The following B3GALT1 variants were observed in gnomAD, a reference collection of about 807,000 sequenced individuals.
The protein encoded by B3GALT1 is beta-1,3-galactosyltransferase 1.
In B3GALT1, 10 loss-of-function variants were observed where a neutral mutation model predicts 23.2. The ratio of observed to expected loss-of-function variants is 0.43; its 90% confidence interval spans 0.27 to 0.73. The LOEUF (loss-of-function observed/expected upper bound fraction) is 0.73. B3GALT1 is among the 30% of genes least tolerant of loss of function. The pLI is 0.21. For missense variants in B3GALT1, 299 were observed against 405.4 expected, an observed-to-expected ratio of 0.74 and a Z score of 2.25; for synonymous variants, 156 against 141.5, an observed-to-expected ratio of 1.10 and a Z score of -0.73.
At chr2:167,453,574 C>T (rs932797044) in intron 1 of B3GALT1, among the ~76,000 whole-genome samples, 2 of 145,830 alleles carry the variant, frequency 1.4e-5, no homozygotes, top group African/African-American at 5.5e-5. Flanking sequence ...AATAATACTA[C>T]ATTTTTCTGT....
intron 1 of B3GALT1, among the ~76,000 whole-genome samples, chr2:167,396,560 GTGTGTTTAAT>G (rs1370084153): frequency 6.7e-6 from 1 of 149,624 alleles, no homozygotes. Flanking sequence ...GTGTGTGTGT[GTGTGTTTAAT>G]TTTAAACATT....
At chr2:167,371,527 A>T (rs1697684700) in intron 1 of B3GALT1, among the ~76,000 whole-genome samples, 1 of 152,202 alleles carries the variant, frequency 6.6e-6, no homozygotes, top group Admixed American at 6.5e-5. Flanking sequence ...AGATTTTATT[A>T]AGATTATTGA....
intron 4 of B3GALT1, among the ~76,000 whole-genome samples, chr2:167,852,171 A>G (rs1689914909): frequency 1.3e-5 from 2 of 152,184 alleles, no homozygotes; most frequent in African/African-American, 2.4e-5. Context: ...CAGAGAACAC[A>G]GCACAGCAGC....
At chr2:167,731,540 G>T (rs761973712) in intron 3 of B3GALT1, among the ~76,000 whole-genome samples, 1 of 152,150 alleles carries the variant, frequency 6.6e-6, no homozygotes, top group Non-Finnish European at 1.5e-5. Flanking sequence ...AAATGAGTTT[G>T]CAACTGCAGC....
intron 2 of B3GALT1, among the ~76,000 whole-genome samples, chr2:167,599,303 A>G (rs941127467): frequency 5.9e-5 from 9 of 152,240 alleles, no homozygotes; most frequent in South Asian, 2.1e-4. Flanking sequence ...AGTCTGGAGT[A>G]TAAGTCATAA....
intron 3 of B3GALT1, among the ~76,000 whole-genome samples, chr2:167,691,852 A>G (rs185747095): frequency 4.6e-5 from 7 of 152,298 alleles, no homozygotes; most frequent in East Asian, 1.9e-4. Context: ...GGCAGGACCT[A>G]TAAGATGTGC....
At chr2:167,301,451 G>A (rs1040771604) in intron 1 of B3GALT1, among the ~76,000 whole-genome samples, 1 of 152,270 alleles carries the variant, frequency 6.6e-6, no homozygotes, top group Admixed American at 6.5e-5. Context: ...TAGAAAGTGT[G>A]ACTTTACTAG....
intron 3 of B3GALT1, among the ~76,000 whole-genome samples, chr2:167,758,403 G>A (rs1310703004): frequency 6.6e-6 from 1 of 152,140 alleles, no homozygotes; most frequent in Non-Finnish European, 1.5e-5. Flanking sequence ...ATTCTGAGAT[G>A]ATCTCAGCGA....
At chr2:167,562,118 G>A (rs1684010209) in intron 2 of B3GALT1, among the ~76,000 whole-genome samples, 1 of 152,112 alleles carries the variant, frequency 6.6e-6, no homozygotes, top group South Asian at 2.1e-4. Flanking sequence ...ATGATCAAGT[G>A]GGCTTCATCC....
chr2:167,863,915 CT>C (rs957132963), intron 4 of B3GALT1, among the ~76,000 whole-genome samples: 14 of 151,620 alleles, frequency 9.2e-5, no homozygotes, highest in Admixed American at 3.9e-4. Context: ...ACTGTGCCTA[CT>C]TTTGTTCTCA....
At chr2:167,714,732 T>G (rs1483395750) in intron 3 of B3GALT1, 1 of 1,613,880 alleles carries the variant, frequency 6.2e-7, no homozygotes, top group East Asian at 2.2e-5. Flanking sequence ...AAATGAACAG[T>G]TCTCTCCAAT....
chr2:167,334,708 G>A (rs1406615221), intron 1 of B3GALT1, among the ~76,000 whole-genome samples: 1 of 152,150 alleles, frequency 6.6e-6, no homozygotes, highest in African/African-American at 2.4e-5. Flanking sequence ...ATTTATAAAT[G>A]TATAAGAACT....
rs866772610 is a variant in B3GALT1, at chr2:167,811,787, C to T, written c.-351-6885C>T. Among the ~76,000 whole-genome samples, 12 of 152,222 alleles carry T rather than the reference C, an allele frequency of 7.9e-5. No homozygotes were observed. In the Middle Eastern group the frequency reaches 0.01, roughly 129 times the overall value. On this transcript the variant is annotated intron_variant, in intron 3 of 4. Coordinates refer to ENST00000392690, the MANE Select transcript of B3GALT1 (RefSeq NM_020981.4). ...GCTGCCAGCATCTGTACCAAATATT[C>T]CTGGATATATAATTCCTGGATATAT...
chr2:167,599,921 A>C (rs988315102), intron 2 of B3GALT1, among the ~76,000 whole-genome samples: 9 of 152,210 alleles, frequency 5.9e-5, no homozygotes, highest in Admixed American at 1.3e-4. Flanking sequence ...GAAATCTATA[A>C]TGGAAAAAGA....
chr2:167,817,685 A>G (rs1312579917), intron 3 of B3GALT1, among the ~76,000 whole-genome samples: 2 of 152,200 alleles, frequency 1.3e-5, no homozygotes, highest in East Asian at 3.9e-4. Flanking sequence ...AATGCCTTTG[A>G]TAAGAGTTTT....
chr2:167,715,760 T>A, intron 3 of B3GALT1: 1 of 1,613,188 alleles, frequency 6.2e-7, no homozygotes, highest in Non-Finnish European at 8.5e-7. Flanking sequence ...GCCTTCATAC[T>A]CTTTTGGAAT....
intron 1 of B3GALT1, among the ~76,000 whole-genome samples, chr2:167,415,608 T>A (rs1698456877): frequency 6.6e-6 from 1 of 152,054 alleles, no homozygotes; most frequent in Non-Finnish European, 1.5e-5. Context: ...ACACTTATAT[T>A]GAGGGGAGGG....
Position 167,625,942 on chromosome 2 carries a change from CATATATATAT to C in B3GALT1, c.-409-20932_-409-20923del, listed in dbSNP as rs10522850. 1.8e-3 allele frequency among the ~76,000 whole-genome samples: 214 copies of C among 118,430 alleles called. 7 individuals are homozygous for C. Among genetic ancestry groups the C allele is most frequent in the African/African-American group, 7.0e-3 (193 of 27,654 alleles). The allele number at this position is 118,430 out of a possible 152,430, so 77.7% of individuals were successfully genotyped here. On this transcript the variant is annotated intron_variant, in intron 2 of 4. Transcript: ENST00000392690. ...ATGACAGAAAAATCAATGACTAGGC[CATATATATAT>C]ATATATATATATATATATATATATA...
At chr2:167,310,473 G>A (rs929287812) in intron 1 of B3GALT1, among the ~76,000 whole-genome samples, 1 of 151,984 alleles carries the variant, frequency 6.6e-6, no homozygotes, top group East Asian at 1.9e-4. Flanking sequence ...TCAGAGACCT[G>A]GGTTAAATGA....
Sources: allele counts gnomAD v4.1 joint callset (sites outside exome capture counted in the v4.1 genomes callset), GRCh38; gene constraint gnomAD v4.1.1; transcripts MANE v1.5; gene names NCBI Gene and HGNC (gene_info 2026-07-23, HGNC 2026-07-21).